COL8A1: variants seen among roughly 807,000 people sequenced by gnomAD.
COL8A1 encodes collagen type VIII alpha 1 chain, also known as collagen alpha-1(VIII) chain.
In COL8A1, 21 loss-of-function variants were observed where a neutral mutation model predicts 42.7. That is an observed-to-expected ratio of 0.49 (90% CI 0.35 to 0.71). COL8A1 has a LOEUF of 0.71. COL8A1 is among the 30% of genes least tolerant of loss of function. The pLI, the probability that COL8A1 is intolerant of heterozygous loss-of-function variation, is 0.01. For synonymous variants in COL8A1, 367 were observed against 369.1 expected (o/e 0.99, Z 0.06); for missense variants, 788 against 962.4 (o/e 0.82, Z 2.40).
Position 99,734,373 on chromosome 3 carries a change from G to T in COL8A1, c.-128-10524G>T, listed in dbSNP as rs922233567. On this transcript the variant is annotated intron_variant, in intron 1 of 3. Transcript: ENST00000652472. The stretch of plus-strand genomic sequence containing the variant: ...AGTTTCAGCTTTCTACATATGGCTA[G>T]CCAGTTTTCCCAGCACCATTTATTA... Among the ~76,000 whole-genome samples, 43 of 143,706 alleles carry T rather than the reference G, an allele frequency of 3.0e-4. 1 individual carries two copies. The highest frequency in any genetic ancestry group is 6.0e-4 in the Admixed American group (9 of 14,880). The allele number at this position is 143,706 out of a possible 152,430, so 94.3% of individuals were successfully genotyped here. A position where few individuals can be genotyped will look rare whatever the true frequency, so the allele number is the denominator to read the frequency against.
In COL8A1 at chr3:99,795,072, G is replaced by A. The variant is rs267599510; in HGVS notation, c.1171G>A (p.Glu391Lys). ...GAPGIGGPPG[E>K]PGLPGIPGPM... is the part of the protein sequence containing the mutation. ...CCCAGGAATAGGGGGTCCTCCAGGA[G>A]AGCCAGGCCTGCCTGGAATCCCAGG... The change falls in exon 4 of 4, where the codon GAG becomes AAG. Residue 391 changes from glutamate to lysine, a missense_variant. Coordinates refer to ENST00000652472, the MANE Select transcript of COL8A1 (RefSeq NM_020351.4). 6.2e-7 allele frequency: 1 copy of A among 1,611,172 alleles called. No homozygotes were observed.
chr3:99,791,278 T>C (rs1395502090), intron 3 of COL8A1, among the ~76,000 whole-genome samples: 1 of 152,220 alleles, frequency 6.6e-6, no homozygotes, highest in Non-Finnish European at 1.5e-5. Context: ...ATCCCCTTAT[T>C]GTTTATTTAT....
At chr3:99,670,474 T>C (rs1938509382) in intron 1 of COL8A1, among the ~76,000 whole-genome samples, 1 of 152,108 alleles carries the variant, frequency 6.6e-6, no homozygotes, top group East Asian at 1.9e-4. Flanking sequence ...TTTTTCTTAT[T>C]ATTAATATTA....
chr3:99,648,609 G>A (rs933226576), intron 1 of COL8A1, among the ~76,000 whole-genome samples: 3 of 152,052 alleles, frequency 2.0e-5, no homozygotes, highest in Admixed American at 6.5e-5. Flanking sequence ...AGGGCTAAAA[G>A]TTAGTCCATA....
At chr3:99,755,320 C>A (rs1026288120) in intron 2 of COL8A1, among the ~76,000 whole-genome samples, 1 of 152,068 alleles carries the variant, frequency 6.6e-6, no homozygotes, top group Non-Finnish European at 1.5e-5. Context: ...TTTAAAAGTT[C>A]TTTATACAAA....
chr3:99,741,477 C>A (rs1940897891), intron 1 of COL8A1, among the ~76,000 whole-genome samples: 1 of 152,162 alleles, frequency 6.6e-6, no homozygotes, highest in Admixed American at 6.5e-5. Context: ...CAGCATAAAA[C>A]AACAAACATT....
intron 1 of COL8A1, among the ~76,000 whole-genome samples, chr3:99,702,338 C>T (rs892088869): frequency 6.6e-5 from 10 of 152,078 alleles, no homozygotes; most frequent in Admixed American, 2.6e-4. Context: ...TGAAGTATGC[C>T]GAACTTAACT....
At chr3:99,744,592 T>G (rs1320757791) in intron 1 of COL8A1, among the ~76,000 whole-genome samples, 1 of 152,252 alleles carries the variant, frequency 6.6e-6, no homozygotes, top group African/African-American at 2.4e-5. Context: ...TTATTAATAT[T>G]TCTTCATAAA....
chr3:99,738,865 C>T (rs544518465), intron 1 of COL8A1, among the ~76,000 whole-genome samples: 3 of 152,128 alleles, frequency 2.0e-5, no homozygotes, highest in Non-Finnish European at 4.4e-5. Flanking sequence ...GCTGTGCTAG[C>T]AATCAGCGAG....
intron 1 of COL8A1, among the ~76,000 whole-genome samples, chr3:99,702,324 G>A (rs939046209): frequency 6.6e-6 from 1 of 152,214 alleles, no homozygotes; most frequent in East Asian, 1.9e-4. Context: ...GCAGAAAAGA[G>A]AGATGAAGTA....
chr3:99,640,064 T>C (rs1190828867), intron 1 of COL8A1, among the ~76,000 whole-genome samples: 1 of 152,170 alleles, frequency 6.6e-6, no homozygotes, highest in Non-Finnish European at 1.5e-5. Flanking sequence ...AATAAAAATA[T>C]TTAAAAGTTC....
chr3:99,796,298 A>C lies in COL8A1; in HGVS notation c.*162A>C. 1 of 556,188 alleles carries C rather than the reference A, an allele frequency of 1.8e-6. No individual in the cohort carries two copies. Among genetic ancestry groups the C allele is most frequent in the Non-Finnish European group, 3.0e-6 (1 of 329,608 alleles). 34.5% of individuals were successfully genotyped at this position (556,188 alleles called of 1,614,324 possible). ...CCATTGTGTACAAATAAAAACTAAG[A>C]TGCATGTTTAATACTCCACACAGCA... On this transcript the variant is annotated 3_prime_UTR_variant, in exon 4 of 4. Transcript: ENST00000652472.
chr3:99,656,140 A>G (rs1361037143), intron 1 of COL8A1, among the ~76,000 whole-genome samples: 3 of 152,198 alleles, frequency 2.0e-5, no homozygotes, highest in Non-Finnish European at 4.4e-5. Flanking sequence ...GTATATTTTG[A>G]TCCTTAAAGG....
chr3:99,783,308 C>T (rs936701675), intron 2 of COL8A1, among the ~76,000 whole-genome samples: 1 of 152,158 alleles, frequency 6.6e-6, no homozygotes, highest in Non-Finnish European at 1.5e-5. Flanking sequence ...TCTCAAGTTT[C>T]GTTGGTCCCA....
chr3:99,716,292 G>A (rs1317181540), intron 1 of COL8A1, among the ~76,000 whole-genome samples: 1 of 152,010 alleles, frequency 6.6e-6, no homozygotes, highest in Non-Finnish European at 1.5e-5. Flanking sequence ...CATTGGTGGG[G>A]TAGCACTTTT....
intron 2 of COL8A1, among the ~76,000 whole-genome samples, chr3:99,767,472 A>C (rs2107433837): frequency 6.6e-6 from 1 of 152,354 alleles, no homozygotes; most frequent in South Asian, 2.1e-4. Context: ...AATAACTCTA[A>C]GCTGACAAGA....
chr3:99,674,811 C>T (rs1938645573), intron 1 of COL8A1, among the ~76,000 whole-genome samples: 1 of 151,998 alleles, frequency 6.6e-6, no homozygotes, highest in African/African-American at 2.4e-5. Flanking sequence ...GCTACAGAGA[C>T]TTATTTATTG....
At chr3:99,653,519 G>A (rs1050818822) in intron 1 of COL8A1, among the ~76,000 whole-genome samples, 9 of 151,682 alleles carry the variant, frequency 5.9e-5, no homozygotes, top group Non-Finnish European at 8.8e-5. Context: ...TCCAGTTCAC[G>A]GGCATCTCTC....
intron 1 of COL8A1, among the ~76,000 whole-genome samples, chr3:99,658,005 T>C (rs959734455): frequency 3.3e-5 from 5 of 151,150 alleles, no homozygotes; most frequent in African/African-American, 1.2e-4. Flanking sequence ...CATGCTCTTG[T>C]AATCCCAGTT....
Sources: allele counts gnomAD v4.1 joint callset (sites outside exome capture counted in the v4.1 genomes callset), GRCh38; gene constraint gnomAD v4.1.1; transcripts MANE v1.5; gene names NCBI Gene and HGNC (gene_info 2026-07-23, HGNC 2026-07-21).